The following CEP290 variants were observed in gnomAD, a reference collection of about 807,000 sequenced individuals.
CEP290 encodes the protein centrosomal protein of 290 kDa.
In CEP290, 317 loss-of-function variants were observed where a neutral mutation model predicts 344.9. The ratio of observed to expected loss-of-function variants is 0.92; its 90% CI spans 0.84 to 1.01. CEP290 has a LOEUF of 1.01. Ranked by LOEUF, CEP290 falls within the 50% of genes least tolerant of loss-of-function variation. The pLI is 0.00. For missense variants in CEP290, 2,754 were observed against 2,761.4 expected (o/e 1.00, Z 0.06); for synonymous variants, 932 against 895.8 (o/e 1.04, Z -0.72).
At position 88,068,632 on chromosome 12, in the gene CEP290, G is replaced by A. The variant is rs1428066297; in HGVS notation, c.6025C>T (p.Leu2009Phe). 3 of 1,594,814 alleles carry A rather than the reference G, an allele frequency of 1.9e-6. No individual in the cohort carries two copies. Among genetic ancestry groups the A allele is most frequent in the Non-Finnish European group, 2.6e-6 (3 of 1,173,852 alleles). ...DILYMRAHQA[L>F]PRDSVVEDLH... ...TCTTCTACAACAGAATCTCGAGGAA[G>A]AGCTTGGTGGGCCCTATGAACAACA... The change falls in exon 44 of 54, where the codon CTT (leucine) becomes TTT (phenylalanine). Residue 2009 changes from leucine to phenylalanine, a missense_variant. Coordinates refer to ENST00000552810, the MANE Select transcript of CEP290 (RefSeq NM_025114.4).
chr12:88,080,962 TC>T (rs1428839221), intron 37 of CEP290, among the ~76,000 whole-genome samples: 1 of 152,258 alleles, frequency 6.6e-6, no homozygotes, highest in Non-Finnish European at 1.5e-5. Flanking sequence ...ATTTTGTGAC[TC>T]TAGTCAAATA....
At chr12:88,133,702 G>A (rs1010894519) in intron 6 of CEP290, among the ~76,000 whole-genome samples, 1 of 152,070 alleles carries the variant, frequency 6.6e-6, no homozygotes, top group African/African-American at 2.4e-5. Flanking sequence ...CAATCTTTAT[G>A]AAGATATGAC....
intron 28 of CEP290, 34 bp from the exon 29 acceptor site, chr12:88,092,866 T>C: frequency 1.3e-6 from 2 of 1,598,772 alleles, no homozygotes; most frequent in Non-Finnish European, 1.7e-6. Context: ...TTCAGATACA[T>C]CAATTTTTGG....
At position 88,102,901 on chromosome 12, in the gene CEP290, G is replaced by A. The variant is rs1393060819; in HGVS notation, c.2928C>T (p.Tyr976=). 2 of 1,610,880 alleles carry A rather than the reference G, an allele frequency of 1.2e-6. No individual in the cohort carries two copies. Among genetic ancestry groups the A allele is most frequent in the Non-Finnish European group, 1.7e-6 (2 of 1,178,616 alleles). ...TATTATCTTTTTGCAAGATGTCCCTGTACTTAGCAGTCAGTTCATTGTACT... is the reference window on the plus strand; with the variant it reads ...TATTATCTTTTTGCAAGATGTCCCTATACTTAGCAGTCAGTTCATTGTACT... ...NKQYNELTAK[Y]RDILQKDNML... is the part of the protein sequence containing the mutation. The change falls in exon 26 of 54, where the codon TAC becomes TAT. Residue 976 remains tyrosine, a synonymous_variant. Transcript: ENST00000552810.
At chr12:88,092,177 G>A (rs908212422) in intron 29 of CEP290, among the ~76,000 whole-genome samples, 23 of 152,308 alleles carry the variant, frequency 1.5e-4, no homozygotes, top group Middle Eastern at 6.8e-3. Flanking sequence ...TCAAGGTTAA[G>A]TATAATTGTA....
intron 25 of CEP290, among the ~76,000 whole-genome samples, chr12:88,105,362 C>T (rs963427503): frequency 1.3e-5 from 2 of 151,820 alleles, no homozygotes; most frequent in Admixed American, 1.3e-4. Flanking sequence ...AAAGAGAAAG[C>T]GGAGGGGACA....
intron 46 of CEP290, 132 bp downstream of exon 46, chr12:88,062,560 G>A (rs1284029458): frequency 1.6e-6 from 1 of 609,782 alleles, no homozygotes; most frequent in Non-Finnish European, 2.9e-6. Context: ...TTATATTACA[G>A]ATGCAGAATA....
chr12:88,116,790 C>T (rs958935782), intron 18 of CEP290, among the ~76,000 whole-genome samples: 6 of 151,642 alleles, frequency 4.0e-5, no homozygotes, highest in African/African-American at 1.2e-4. Context: ...CCGGCTAAAA[C>T]GGTGAAACCC....
chr12:88,077,195 T>C, intron 41 of CEP290, 27 bp downstream of exon 41: 1 of 1,592,564 alleles, frequency 6.3e-7, no homozygotes, highest in South Asian at 1.2e-5. Context: ...ACCTTAAGCA[T>C]ATAAGTCAGT....
At chr12:88,093,637 T>A in intron 28 of CEP290, 133 bp downstream of exon 28, 1 of 610,828 alleles carries the variant, frequency 1.6e-6, no homozygotes, top group Non-Finnish European at 2.8e-6. Context: ...TTTATTTATT[T>A]ATTACACAAA....
intron 52 of CEP290, among the ~76,000 whole-genome samples, chr12:88,052,675 A>G (rs1292391973): frequency 1.1e-4 from 16 of 152,086 alleles, no homozygotes; most frequent in Non-Finnish European, 2.9e-5. Flanking sequence ...ATATATATAC[A>G]TACACCTACA....
chr12:88,131,683 T>C (rs541134401), intron 6 of CEP290, among the ~76,000 whole-genome samples: 2 of 152,194 alleles, frequency 1.3e-5, no homozygotes, highest in East Asian at 3.9e-4. Flanking sequence ...AACACATAAA[T>C]AATAGGCCAA....
chr12:88,110,716 A>G (rs1232670441), intron 22 of CEP290, among the ~76,000 whole-genome samples: 1 of 152,146 alleles, frequency 6.6e-6, no homozygotes, highest in Non-Finnish European at 1.5e-5. Context: ...CTCAAAAAAA[A>G]AGTAGTTTTT....
chr12:88,090,745 G>A lies in CEP290; in HGVS notation c.3556C>T (p.Gln1186Ter). 1 of 1,556,322 alleles carries A rather than the reference G, an allele frequency of 6.4e-7. No homozygotes were observed. Among genetic ancestry groups the A allele is most frequent in the Admixed American group, 1.9e-5 (1 of 51,600 alleles). ...GCACATACCTGATAGTCTAGCAGTTGCATTCTGAGGGACTCTACTTCCTTG... is the reference window on the plus strand; with the variant it reads ...GCACATACCTGATAGTCTAGCAGTTACATTCTGAGGGACTCTACTTCCTTG... The part of the protein sequence containing the change: ...RDKEVESLRM[Q>*]LLDYQAQSDE... The change falls in exon 30 of 54, where the codon CAA becomes TAA. Residue 1186 changes from glutamine to a stop codon, truncating the protein, a stop_gained. Coordinates refer to ENST00000552810, the MANE Select transcript of CEP290 (RefSeq NM_025114.4). LOFTEE classifies it high-confidence loss of function.
intron 29 of CEP290, among the ~76,000 whole-genome samples, chr12:88,092,232 G>C (rs1176919458): frequency 1.3e-5 from 2 of 152,112 alleles, no homozygotes; most frequent in South Asian, 4.1e-4. Flanking sequence ...CTAGTACATA[G>C]TAGATGCCCG....
intron 41 of CEP290, 45 bp downstream of exon 41, chr12:88,077,177 C>A (rs45477793): frequency 6.4e-6 from 10 of 1,558,442 alleles, no homozygotes; most frequent in Non-Finnish European, 8.6e-6. Flanking sequence ...TTAACTTACT[C>A]TGTCACTACC....
chr12:88,065,429 A>C (rs2034843965), intron 44 of CEP290, among the ~76,000 whole-genome samples: 1 of 152,216 alleles, frequency 6.6e-6, no homozygotes, highest in Non-Finnish European at 1.5e-5. Flanking sequence ...AAATCACAGG[A>C]ATACATTTCC....
chr12:88,079,102 C>T lies in CEP290; in HGVS notation c.5354G>A (p.Arg1785Lys). The T allele has an allele frequency of 6.3e-7, 1 of 1,589,110 alleles. No homozygotes were observed. Among genetic ancestry groups the T allele is most frequent in the Non-Finnish European group, 8.5e-7 (1 of 1,171,340 alleles). The change falls in exon 39 of 54, where the codon AGA becomes AAA. Residue 1785 changes from arginine (R) to lysine (K), a missense_variant. Coordinates refer to ENST00000552810, the MANE Select transcript of CEP290 (RefSeq NM_025114.4). ...NVQQIVDRHTRELKTQVEDLN... is the reference protein window; with the variant it reads ...NVQQIVDRHTKELKTQVEDLN... ...CGTGTTGATGTTCACCTTTAGCTCT[C>T]TAGTATGTCGATCAACGATTTGTTG...
At chr12:88,061,375 CAT>C (rs2034467508) in intron 46 of CEP290, among the ~76,000 whole-genome samples, 1 of 151,992 alleles carries the variant, frequency 6.6e-6, no homozygotes, top group South Asian at 2.1e-4. Flanking sequence ...TTAAAGAGCT[CAT>C]GAGTAATTAA....
Sources: gnomAD v4.1 joint callset for allele counts (sites outside exome capture counted in the v4.1 genomes callset) on GRCh38, gnomAD v4.1.1 for gene constraint, MANE v1.5 for transcripts, NCBI Gene and HGNC (gene_info 2026-07-23, HGNC 2026-07-21) for gene names.